The following MYO16 variants were observed in gnomAD, a reference collection of about 807,000 sequenced individuals.
MYO16 encodes the protein myosin XVI.
In MYO16, 94 loss-of-function variants were observed where a neutral mutation model predicts 205.3. The ratio of observed to expected loss-of-function variants is 0.46; its 90% CI spans 0.39 to 0.54. The LOEUF (loss-of-function observed/expected upper bound fraction) is 0.54. Among genes scored for constraint, MYO16 ranks in the 20% least tolerant of loss-of-function variants. The probability of loss-of-function intolerance (pLI) is 0.00; values close to 1 mark genes in which losing one functional copy is unlikely to be tolerated. For missense variants in MYO16, 2,315 were observed against 2,387.5 expected, an observed-to-expected ratio of 0.97 and a Z score of 0.63; for synonymous variants, 988 against 954.0, an observed-to-expected ratio of 1.04 and a Z score of -0.66.
chr13:108,578,847 A>G, the MYO16 span, among the ~76,000 whole-genome samples: 2 of 151,464 alleles, frequency 1.3e-5, no homozygotes, highest in East Asian at 3.9e-4. Flanking sequence ...TATTGGGAAT[A>G]CATTTTCAGC....
chr13:108,534,624 TA>T, the MYO16 span, among the ~76,000 whole-genome samples: 4 of 150,386 alleles, frequency 2.7e-5, no homozygotes, highest in East Asian at 1.9e-4. Flanking sequence ...GCTTCTACAT[TA>T]AAAAAAAACC....
intron 1 of MYO16, among the ~76,000 whole-genome samples, chr13:108,655,949 C>G (rs911245098): frequency 6.6e-6 from 1 of 152,182 alleles, no homozygotes; most frequent in African/African-American, 2.4e-5. Context: ...TTCGATTTTA[C>G]AGGCTCATAG....
At chr13:108,843,782 A>C (rs1468241122) in intron 9 of MYO16, among the ~76,000 whole-genome samples, 3 of 152,022 alleles carry the variant, frequency 2.0e-5, no homozygotes, top group African/African-American at 7.2e-5. Context: ...AGTATCTTTT[A>C]TTTTTTGGCT....
chr13:108,611,738 G>A (rs1439935182), intron 1 of MYO16, among the ~76,000 whole-genome samples: 1 of 152,052 alleles, frequency 6.6e-6, no homozygotes, highest in Non-Finnish European at 1.5e-5. Context: ...AGGTAAGCAA[G>A]TTGAGACTCA....
At chr13:108,498,825 A>G in the MYO16 span, among the ~76,000 whole-genome samples, 2 of 152,202 alleles carry the variant, frequency 1.3e-5, no homozygotes, top group African/African-American at 4.8e-5. Flanking sequence ...TTGCTTTTCC[A>G]TTTAGTATCT....
At chr13:108,781,750 G>T (rs182184872) in intron 4 of MYO16, among the ~76,000 whole-genome samples, 1 of 152,186 alleles carries the variant, frequency 6.6e-6, no homozygotes, top group African/African-American at 2.4e-5. Context: ...GACCCAGGGG[G>T]AGGTAATTGA....
intron 20 of MYO16, among the ~76,000 whole-genome samples, chr13:108,970,636 T>TA (rs950647737): frequency 4.6e-5 from 7 of 152,212 alleles, no homozygotes; most frequent in African/African-American, 1.7e-4. Flanking sequence ...ATTGACATCT[T>TA]AAGGCTTTCC....
At chr13:108,592,829 A>G (rs981969834), upstream of MYO16, among the ~76,000 whole-genome samples, 1 of 151,816 alleles carries the variant, frequency 6.6e-6, no homozygotes, top group African/African-American at 2.4e-5. Context: ...TCAACAGTAC[A>G]TGATGACAAT....
At chr13:108,667,030 T>C (rs761340320) in intron 2 of MYO16, among the ~76,000 whole-genome samples, 2 of 152,228 alleles carry the variant, frequency 1.3e-5, no homozygotes, top group Non-Finnish European at 2.9e-5. Flanking sequence ...TACTCACAAT[T>C]TGGAATCCAA....
chr13:108,541,361 A>G, the MYO16 span, among the ~76,000 whole-genome samples: 27,634 of 150,800 alleles, frequency 0.18, 3,433 homozygotes, highest in African/African-American at 0.34. Flanking sequence ...TTATGCATCT[A>G]TTAATTTATA....
chr13:108,900,949 G>A (rs897955341), intron 15 of MYO16, among the ~76,000 whole-genome samples: 2 of 152,180 alleles, frequency 1.3e-5, no homozygotes, highest in Admixed American at 6.5e-5. Flanking sequence ...CCTGAGGGGA[G>A]GCCTCTGAAA....
rs968899329 is a variant in MYO16, at chr13:109,207,144, G to A, written c.*308G>A. 5.9e-6 allele frequency: 2 copies of A among 337,060 alleles called. No homozygotes were observed. The highest frequency in any genetic ancestry group is 2.1e-5 in the African/African-American group (1 of 48,286). The allele number at this position is 337,060 out of a possible 1,614,324, so 20.9% of individuals were successfully genotyped here. A position where few individuals can be genotyped will look rare whatever the true frequency, so the allele number is the denominator to read the frequency against. ...AAAAGTGTGGACGTGGCCAGAGCGA[G>A]AGAGTAGCGGAGGAAAGGAGCAATC... is the stretch of plus-strand genomic sequence containing the variant. On this transcript the variant is annotated 3_prime_UTR_variant, in exon 35 of 35. Transcript: ENST00000457511.
At chr13:108,831,257 T>G (rs1198871243) in intron 9 of MYO16, among the ~76,000 whole-genome samples, 1 of 152,200 alleles carries the variant, frequency 6.6e-6, no homozygotes, top group Non-Finnish European at 1.5e-5. Flanking sequence ...CTACCGGGCA[T>G]AGAGTTGCCA....
At chr13:108,873,698 T>G (rs1325674938) in intron 12 of MYO16, among the ~76,000 whole-genome samples, 1 of 115,578 alleles carries the variant, frequency 8.7e-6, no homozygotes, top group Admixed American at 9.2e-5. Context: ...CAGGACAGGG[T>G]CCATGCCAAC....
At chr13:108,576,229 T>C in the MYO16 span, among the ~76,000 whole-genome samples, 2 of 152,168 alleles carry the variant, frequency 1.3e-5, no homozygotes, top group Non-Finnish European at 2.9e-5. Context: ...AAATTCTGCA[T>C]ATTGGACCTA....
chr13:108,752,852 C>A (rs1885285479), intron 4 of MYO16, among the ~76,000 whole-genome samples: 1 of 114,248 alleles, frequency 8.8e-6, no homozygotes, highest in Non-Finnish European at 1.7e-5. Flanking sequence ...CAGTGTTGGT[C>A]TCTACTAAAA....
chr13:109,006,287 T>C (rs890442001), intron 21 of MYO16, among the ~76,000 whole-genome samples: 3 of 152,218 alleles, frequency 2.0e-5, no homozygotes, highest in African/African-American at 7.2e-5. Context: ...TCACCCAGGC[T>C]GGAATGCAGT....
chr13:108,763,326 A>T (rs1885670957), intron 4 of MYO16, among the ~76,000 whole-genome samples: 1 of 152,126 alleles, frequency 6.6e-6, no homozygotes, highest in African/African-American at 2.4e-5. Context: ...GAGTTCTGTG[A>T]TGGAGTAAGT....
At chr13:108,649,066 G>A (rs1343687594) in intron 1 of MYO16, among the ~76,000 whole-genome samples, 9 of 147,770 alleles carry the variant, frequency 6.1e-5, no homozygotes, top group Non-Finnish European at 9.0e-5. Context: ...ACACACCAGG[G>A]CCTGTTGTGG....
Sources: gnomAD v4.1 joint callset for allele counts (sites outside exome capture counted in the v4.1 genomes callset) on GRCh38, gnomAD v4.1.1 for gene constraint, MANE v1.5 for transcripts, NCBI Gene and HGNC (gene_info 2026-07-23, HGNC 2026-07-21) for gene names.